MYRIP: variants seen among roughly 807,000 people sequenced by gnomAD.
MYRIP encodes the protein rab effector MyRIP.
A neutral mutation model predicts 98.0 loss-of-function variants in MYRIP; 49 were observed. The observed-to-expected ratio is 0.50, with a 90% CI of 0.40 to 0.63. The LOEUF is 0.63. Ranked by LOEUF, MYRIP falls within the 30% of genes least tolerant of loss-of-function variation. The pLI is 0.00. For synonymous variants in MYRIP, 404 were observed against 409.5 expected (o/e 0.99, Z 0.16); for missense variants, 1,004 against 1,058.2 (o/e 0.95, Z 0.71).
chr3:40,208,261 A>T (rs1423653097), intron 10 of MYRIP, among the ~76,000 whole-genome samples: 1 of 152,234 alleles, frequency 6.6e-6, no homozygotes, highest in Non-Finnish European at 1.5e-5. Context: ...TATTTAAAAC[A>T]TAAGTAAGTT....
chr3:39,954,390 T>C (rs1262600234), intron 2 of MYRIP, among the ~76,000 whole-genome samples: 3 of 152,058 alleles, frequency 2.0e-5, no homozygotes, highest in Non-Finnish European at 4.4e-5. Context: ...GCTGGGGTGA[T>C]ACCCAGGCAA....
chr3:40,204,198 T>TATA (rs1192294287), intron 10 of MYRIP, among the ~76,000 whole-genome samples: 683 of 34,202 alleles, frequency 0.02, 62 homozygotes, highest in Non-Finnish European at 0.029. Context: ...ATAAATATTA[T>TATA]ATTATATATT....
intron 11 of MYRIP, among the ~76,000 whole-genome samples, chr3:40,232,158 T>C (rs1387696745): frequency 6.6e-6 from 1 of 152,164 alleles, no homozygotes; most frequent in Non-Finnish European, 1.5e-5. Flanking sequence ...TTCTACCTTT[T>C]TGGTATGTAG....
chr3:39,818,958 C>T (rs1359842722), intron 1 of MYRIP, among the ~76,000 whole-genome samples: 1 of 152,268 alleles, frequency 6.6e-6, no homozygotes, highest in African/African-American at 2.4e-5. Flanking sequence ...TATAAATACC[C>T]TAAAGTTCAA....
chr3:40,107,952 A>G lies in MYRIP; in HGVS notation c.333-43096A>G, dbSNP rs1161521377. ...ATTGGGAGTCATCTTTCTAAAATGC[A>G]AAACCAACTGCATCCGTGTCCCACA... On this transcript the variant is annotated intron_variant, in intron 3 of 16. Coordinates refer to ENST00000302541, the MANE Select transcript of MYRIP (RefSeq NM_015460.4). Among the ~76,000 whole-genome samples, 3 of 152,336 alleles carry G rather than the reference A, an allele frequency of 2.0e-5. No individual in the cohort carries two copies. In the East Asian group the frequency reaches 5.8e-4, roughly 29 times the overall value.
intron 2 of MYRIP, among the ~76,000 whole-genome samples, chr3:39,923,084 T>A (rs574853374): frequency 6.6e-6 from 1 of 152,088 alleles, no homozygotes; most frequent in Non-Finnish European, 1.5e-5. Flanking sequence ...TGAAGCTCAA[T>A]AGCAGAACAG....
chr3:40,139,451 C>T (rs969437618), intron 3 of MYRIP, among the ~76,000 whole-genome samples: 3 of 152,110 alleles, frequency 2.0e-5, no homozygotes, highest in Admixed American at 6.6e-5. Flanking sequence ...TGCTTTTTGT[C>T]AATGTAGATT....
intron 3 of MYRIP, among the ~76,000 whole-genome samples, chr3:40,045,064 C>T (rs1947642525): frequency 6.6e-6 from 1 of 152,134 alleles, no homozygotes; most frequent in Admixed American, 6.5e-5. Flanking sequence ...TCCAAAATGC[C>T]TGTTAATGAG....
rs1559456696 is a variant in MYRIP, at chr3:40,212,193, TAC to T, written c.1905+2102_1905+2103del. 1.4e-3 allele frequency among the ~76,000 whole-genome samples: 68 copies of T among 46,914 alleles called. 5 individuals carry two copies. The highest frequency in any genetic ancestry group is 2.1e-3 in the African/African-American group (42 of 19,772). The allele number at this position is 46,914 out of a possible 152,430, so 30.8% of individuals were successfully genotyped here. A position where few individuals can be genotyped will look rare whatever the true frequency, so the allele number is the denominator to read the frequency against. The stretch of plus-strand genomic sequence containing the variant: ...ACATATATATACGTGTATGTGTATA[TAC>T]ATATATATACGTGTGTGTATATATA... On this transcript the variant is annotated intron_variant, in intron 11 of 16. Transcript: ENST00000302541.
chr3:40,199,026 A>C lies in MYRIP; in HGVS notation c.1665+8563A>C, dbSNP rs149234620. Among the ~76,000 whole-genome samples the C allele has an allele frequency of 7.9e-4, 121 of 152,346 alleles. No homozygotes were observed. The East Asian group carries it at 0.019, about 24-fold the overall frequency. ...GATAGTTCACAAAATTGATGGAATGAATCTTAGGCAAGAGATACCAAAAAT... is the reference window on the plus strand; with the variant it reads ...GATAGTTCACAAAATTGATGGAATGCATCTTAGGCAAGAGATACCAAAAAT... On this transcript the variant is annotated intron_variant, in intron 10 of 16. Coordinates refer to ENST00000302541, the MANE Select transcript of MYRIP (RefSeq NM_015460.4).
chr3:39,829,624 C>G (rs550274109), intron 1 of MYRIP, among the ~76,000 whole-genome samples: 1 of 152,240 alleles, frequency 6.6e-6, no homozygotes, highest in Admixed American at 6.5e-5. Flanking sequence ...CGTGTGTTGG[C>G]TAACTTGAGT....
At chr3:39,957,804 G>T (rs113277869) in intron 2 of MYRIP, among the ~76,000 whole-genome samples, 19,105 of 152,020 alleles carry the variant, frequency 0.13, 1,310 homozygotes, top group East Asian at 0.25. Context: ...CAAAATCTCC[G>T]TAAGCTGATA....
At chr3:40,016,095 A>G (rs754558004) in intron 2 of MYRIP, among the ~76,000 whole-genome samples, 1 of 152,074 alleles carries the variant, frequency 6.6e-6, no homozygotes, top group Non-Finnish European at 1.5e-5. Context: ...CTCACAGGTA[A>G]GCAGGTGGCT....
intron 2 of MYRIP, among the ~76,000 whole-genome samples, chr3:39,964,242 T>G (rs1692031341): frequency 6.6e-6 from 1 of 152,158 alleles, no homozygotes; most frequent in Non-Finnish European, 1.5e-5. Context: ...AAAAAAACTT[T>G]GCTTTCTACT....
In MYRIP at chr3:40,111,271, T is replaced by C. The variant is rs150865575; in HGVS notation, c.333-39777T>C. The stretch of plus-strand genomic sequence containing the variant: ...GATTTTTGGTAGCTTCGAGACCAGA[T>C]CATTTGTAGACAAGTTAATTTCCCT... On this transcript the variant is annotated intron_variant, in intron 3 of 16. Transcript: ENST00000302541. 2.7e-3 allele frequency among the ~76,000 whole-genome samples: 404 copies of C among 152,306 alleles called. 1 individual carries two copies. The highest frequency in any genetic ancestry group is 9.4e-3 in the African/African-American group (389 of 41,562).
rs34179419 is a variant in MYRIP at position 39,921,881 on chromosome 3, C to CAAAAAAAA, written c.110+20970_110+20977dup. Among the ~76,000 whole-genome samples the CAAAAAAAA allele has an allele frequency of 4.0e-5, 3 of 75,888 alleles. 1 individual carries two copies. The highest frequency in any genetic ancestry group is 7.7e-5 in the Non-Finnish European group (3 of 39,078). The allele number at this position is 75,888 out of a possible 152,430, so 49.8% of individuals were successfully genotyped here. A position where few individuals can be genotyped will look rare whatever the true frequency, so the allele number is the denominator to read the frequency against. ...TGGGCTACAGAGCAAGACTCCGTCTCAAAAAAAAAAAAAAAAAAAAAAGTG... is the reference window on the plus strand; with the variant it reads ...TGGGCTACAGAGCAAGACTCCGTCTCAAAAAAAAAAAAAAAAAAAAAAAAAAAAAAGTG... On this transcript the variant is annotated intron_variant, in intron 2 of 16. Coordinates refer to ENST00000302541, the MANE Select transcript of MYRIP (RefSeq NM_015460.4).
chr3:40,201,615 T>C (rs947021529), intron 10 of MYRIP, among the ~76,000 whole-genome samples: 2 of 152,148 alleles, frequency 1.3e-5, no homozygotes, highest in African/African-American at 4.8e-5. Context: ...AGGCAGGTCC[T>C]TCCACATGAT....
At chr3:39,891,963 T>G (rs1055567176) in intron 1 of MYRIP, among the ~76,000 whole-genome samples, 1 of 152,108 alleles carries the variant, frequency 6.6e-6, no homozygotes, top group Non-Finnish European at 1.5e-5. Context: ...CTTTATGATA[T>G]CTTTAGTTAT....
At position 40,258,429 on chromosome 3, in the gene MYRIP, C is replaced by T. The variant is rs941049843; in HGVS notation, c.*263C>T. On this transcript the variant is annotated 3_prime_UTR_variant, in exon 17 of 17. Coordinates refer to ENST00000302541, the MANE Select transcript of MYRIP (RefSeq NM_015460.4). ...TGAAGACACTGGCTTCCAACAGCAG[C>T]GCTCCATGTTTAAGATACATATTTT... 4.2e-5 allele frequency: 19 copies of T among 448,078 alleles called. No individual in the cohort carries two copies. Among genetic ancestry groups the T allele is most frequent in the East Asian group, 9.6e-5 (3 of 31,402 alleles). 27.8% of individuals were successfully genotyped at this position (448,078 alleles called of 1,614,324 possible).
Sources: gnomAD v4.1 joint callset for allele counts (sites outside exome capture counted in the v4.1 genomes callset) on GRCh38, gnomAD v4.1.1 for gene constraint, MANE v1.5 for transcripts, NCBI Gene and HGNC (gene_info 2026-07-23, HGNC 2026-07-21) for gene names.